PUS7: variants seen among roughly 807,000 people sequenced by gnomAD.
PUS7 encodes the protein pseudouridine synthase 7.
A neutral mutation model predicts 79.8 loss-of-function variants in PUS7; 48 were observed. That is an observed-to-expected ratio of 0.60 (90% CI 0.48 to 0.76). The LOEUF is 0.76. PUS7 is among the 30% of genes least tolerant of loss of function. The pLI is 0.00. For missense variants in PUS7, 729 were observed against 797.6 expected, an observed-to-expected ratio of 0.91 and a Z score of 1.04; for synonymous variants, 286 against 272.2, an observed-to-expected ratio of 1.05 and a Z score of -0.50.
chr7:105,520,848 G>C (rs901271069), intron 1 of PUS7, among the ~76,000 whole-genome samples: 1 of 151,900 alleles, frequency 6.6e-6, no homozygotes, highest in African/African-American at 2.4e-5. Flanking sequence ...GGCCAGGCTG[G>C]GCAACACAGC....
At chr7:105,502,683 C>A in intron 4 of PUS7, 119 bp from the exon 5 acceptor site, 1 of 1,115,032 alleles carries the variant, frequency 9.0e-7, no homozygotes, top group South Asian at 1.4e-5. Context: ...ACAAAAGTGC[C>A]TGCATACGAT....
chr7:105,518,911 G>A (rs945163311), intron 1 of PUS7, among the ~76,000 whole-genome samples: 4 of 151,732 alleles, frequency 2.6e-5, no homozygotes, highest in Admixed American at 2.0e-4. Flanking sequence ...TGGGATTACA[G>A]GCGCCCGCCA....
At chr7:105,505,387 A>G (rs754229554) in intron 4 of PUS7, among the ~76,000 whole-genome samples, 4 of 152,162 alleles carry the variant, frequency 2.6e-5, no homozygotes, top group Non-Finnish European at 5.9e-5. Flanking sequence ...ACCCACGATG[A>G]GCAAATAAAT....
intron 6 of PUS7, among the ~76,000 whole-genome samples, chr7:105,492,496 T>C (rs187315354): frequency 6.8e-6 from 1 of 146,618 alleles, no homozygotes; most frequent in East Asian, 2.0e-4. Flanking sequence ...GGCTGATTTT[T>C]TGTATTTTTT....
At chr7:105,517,934 G>T (rs1825957306) in intron 1 of PUS7, among the ~76,000 whole-genome samples, 2 of 152,138 alleles carry the variant, frequency 1.3e-5, no homozygotes, top group African/African-American at 4.8e-5. Context: ...CAGATCACAA[G>T]GTCAAAAGTT....
intron 5 of PUS7, among the ~76,000 whole-genome samples, chr7:105,496,113 G>A (rs1040022384): frequency 1.9e-4 from 28 of 150,362 alleles, no homozygotes; most frequent in Non-Finnish European, 3.0e-4. Context: ...AGCCAAGATC[G>A]TGCCATTGCA....
At position 105,506,232 on chromosome 7, in the gene PUS7, C is replaced by T. The variant is rs759808225; in HGVS notation, c.440G>A (p.Arg147Gln). 5 of 1,613,332 alleles carry T rather than the reference C, an allele frequency of 3.1e-6. No homozygotes were observed. The highest frequency in any genetic ancestry group is 4.2e-6 in the Non-Finnish European group (5 of 1,179,680). Residue 147 changes from arginine (R) to glutamine (Q), a missense_variant, in exon 3 of 16, where the codon CGG becomes CAG. Physicochemically the swap from Arg to Gln is conservative, Grantham distance 43. Transcript: ENST00000469408. ...FVVHEIGKDG[R>Q]ISHLNDLSIP... Reference sequence around the variant, plus strand: ...GGACAAGTCATTCAAATGGCTGATCCGTCCATCTTTTCCTATTTCATGAAC... The same window carrying T: ...GGACAAGTCATTCAAATGGCTGATCTGTCCATCTTTTCCTATTTCATGAAC...
intron 15 of PUS7, 63 bp from the exon 16 acceptor site, chr7:105,457,989 C>A: frequency 1.9e-6 from 3 of 1,562,164 alleles, no homozygotes; most frequent in South Asian, 1.2e-5. Context: ...CAGCGAGAGT[C>A]ACATAATCTC....
In PUS7 at chr7:105,468,481, A is replaced by G. The variant is rs1448987143; in HGVS notation, c.1399-18T>C. On this transcript the variant is annotated intron_variant, in intron 11 of 15. Transcript: ENST00000469408. ...CTGGGTATCTGGAGGGAAGGAAAAAAATAGGCAAGAAAACATATTCTAAAT... is the reference window on the plus strand; with the variant it reads ...CTGGGTATCTGGAGGGAAGGAAAAAGATAGGCAAGAAAACATATTCTAAAT... The G allele has an allele frequency of 6.4e-7, 1 of 1,571,440 alleles. No individual in the cohort carries two copies. Among genetic ancestry groups the G allele is most frequent in the Admixed American group, 1.9e-5 (1 of 51,394 alleles).
intron 15 of PUS7, among the ~76,000 whole-genome samples, chr7:105,458,813 G>A (rs928699137): frequency 6.6e-6 from 1 of 151,796 alleles, no homozygotes; most frequent in African/African-American, 2.4e-5. Context: ...CGCCCGCCTC[G>A]GCCTCCCAAA....
chr7:105,467,373 T>C (rs544592641), intron 12 of PUS7, among the ~76,000 whole-genome samples: 2 of 150,582 alleles, frequency 1.3e-5, no homozygotes, highest in African/African-American at 4.9e-5. Flanking sequence ...CACTGCAAGC[T>C]CCGCCTCCCG....
intron 4 of PUS7, 38 bp from the exon 5 acceptor site, chr7:105,502,602 C>A (rs1489714768): frequency 6.2e-7 from 1 of 1,603,788 alleles, no homozygotes. Flanking sequence ...ACCAAGTTAA[C>A]AAACATTAAA....
chr7:105,494,288 G>A (rs748305595), intron 6 of PUS7, among the ~76,000 whole-genome samples: 2 of 151,886 alleles, frequency 1.3e-5, no homozygotes, highest in African/African-American at 2.4e-5. Context: ...TTGGCACTAC[G>A]TATGTGGGGG....
At chr7:105,480,607 T>C (rs1824282467) in intron 9 of PUS7, among the ~76,000 whole-genome samples, 1 of 151,944 alleles carries the variant, frequency 6.6e-6, no homozygotes, top group Non-Finnish European at 1.5e-5. Flanking sequence ...AGAAACCCCA[T>C]CTCTACTAAA....
At chr7:105,510,333 T>G (rs1245878732) in intron 1 of PUS7, among the ~76,000 whole-genome samples, 2 of 151,862 alleles carry the variant, frequency 1.3e-5, no homozygotes, top group African/African-American at 4.8e-5. Context: ...AATAAAATAT[T>G]GTATAACCAC....
chr7:105,460,983 T>C (rs7795654), intron 14 of PUS7, among the ~76,000 whole-genome samples: 4,894 of 152,170 alleles, frequency 0.032, 221 homozygotes, highest in African/African-American at 0.1. Flanking sequence ...TCCTCCCACA[T>C]TGGCCTCCCA....
At chr7:105,469,977 T>C (rs1394126008) in intron 11 of PUS7, among the ~76,000 whole-genome samples, 1 of 152,328 alleles carries the variant, frequency 6.6e-6, no homozygotes, top group East Asian at 1.9e-4. Context: ...AGGCTGCAGG[T>C]TGGACAAGCC....
intron 5 of PUS7, among the ~76,000 whole-genome samples, chr7:105,499,050 A>T (rs1445956888): frequency 6.6e-6 from 1 of 152,226 alleles, no homozygotes. Context: ...TTGAAAAAGC[A>T]GTCTGTATAT....
chr7:105,514,531 G>A (rs901041310), intron 1 of PUS7, among the ~76,000 whole-genome samples: 24 of 151,262 alleles, frequency 1.6e-4, no homozygotes, highest in Admixed American at 2.6e-4. Flanking sequence ...GTGAACCCGG[G>A]AGGCCGAGCT....
Sources: allele counts gnomAD v4.1 joint callset (sites outside exome capture counted in the v4.1 genomes callset), GRCh38; gene constraint gnomAD v4.1.1; transcripts MANE v1.5; gene names NCBI Gene and HGNC (gene_info 2026-07-23, HGNC 2026-07-21).